The following ANO2 variants were observed in gnomAD, a reference collection of about 807,000 sequenced individuals.
ANO2 encodes anoctamin-2.
Under a neutral mutation model 124.2 loss-of-function variants are expected in ANO2, and 101 were observed. The observed-to-expected ratio is 0.81, with a 90% confidence interval of 0.69 to 0.96. ANO2 has a LOEUF of 0.96. ANO2 is among the 40% of genes least tolerant of loss of function. The pLI, the probability that ANO2 is intolerant of heterozygous loss-of-function variation, is 0.00. For missense variants in ANO2, 1,293 were observed against 1,274.5 expected, an observed-to-expected ratio of 1.01 and a Z score of -0.22; for synonymous variants, 486 against 482.5, an observed-to-expected ratio of 1.01 and a Z score of -0.09.
Position 5,688,810 on chromosome 12 carries a change from C to CTT in ANO2, c.1546-41011_1546-41010dup, listed in dbSNP as rs36091783. Among the ~76,000 whole-genome samples the CTT allele has an allele frequency of 6.7e-3, 795 of 119,334 alleles. 11 individuals are homozygous for CTT. The highest frequency in any genetic ancestry group is 9.3e-3 in the East Asian group (37 of 3,970). The allele number at this position is 119,334 out of a possible 152,430, so 78.3% of individuals were successfully genotyped here. A position where few individuals can be genotyped will look rare whatever the true frequency, so the allele number is the denominator to read the frequency against. ...CAAAACCCTGACCCATGGGAGTATC[C>CTT]TTTTTTTTTTTTTTTTTTTTGGTCG... On this transcript the variant is annotated intron_variant, in intron 14 of 24. Coordinates refer to ENST00000682330, the MANE Select transcript of ANO2 (RefSeq NM_001364791.2).
At chr12:5,676,486 C>G (rs1229675368) in intron 14 of ANO2, among the ~76,000 whole-genome samples, 1 of 152,130 alleles carries the variant, frequency 6.6e-6, no homozygotes, top group African/African-American at 2.4e-5. Flanking sequence ...TATTTACACC[C>G]ACAAGCACAC....
chr12:5,923,215 TAC>T (rs58894851), intron 1 of ANO2, among the ~76,000 whole-genome samples: 1,432 of 58,706 alleles, frequency 0.024, 161 homozygotes, highest in East Asian at 0.14. Context: ...CACACCCACA[TAC>T]ACACACACAT....
chr12:5,598,041 T>C (rs1230534150), intron 20 of ANO2, among the ~76,000 whole-genome samples: 1 of 152,228 alleles, frequency 6.6e-6, no homozygotes, highest in African/African-American at 2.4e-5. Flanking sequence ...ATCCCAGGGC[T>C]AGGACAATAT....
intron 3 of ANO2, among the ~76,000 whole-genome samples, chr12:5,890,178 C>G (rs1939295296): frequency 6.6e-6 from 1 of 152,144 alleles, no homozygotes; most frequent in Non-Finnish European, 1.5e-5. Flanking sequence ...ATGACAAGGC[C>G]TCCCATGGCC....
chr12:5,698,838 G>C (rs1223043179), intron 14 of ANO2, among the ~76,000 whole-genome samples: 2 of 152,192 alleles, frequency 1.3e-5, no homozygotes, highest in Admixed American at 1.3e-4. Flanking sequence ...CTGGAAGACA[G>C]GGTATCAGTG....
rs1555181034 is a variant in ANO2, at chr12:5,903,654, T to TGTGTGTGTGTGTGTGTGTGTGTGTGTGG, written c.534+17385_534+17386insCCACACACACACACACACACACACACAC. On this transcript the variant is annotated intron_variant, in intron 3 of 24. Transcript: ENST00000682330. ...CAGCTAGGATGTGCAAAGATGTGTGTGTGTGTGTGTGTGTGTGTGTGTGGG... is the reference window on the plus strand; with the variant it reads ...CAGCTAGGATGTGCAAAGATGTGTGTGTGTGTGTGTGTGTGTGTGTGTGTGTGGGTGTGTGTGTGTGTGTGTGTGTGGG... Among the ~76,000 whole-genome samples, 53 of 151,218 alleles carry TGTGTGTGTGTGTGTGTGTGTGTGTGTGG rather than the reference T, an allele frequency of 3.5e-4. No individual in the cohort carries two copies. The East Asian group carries it at 9.9e-3, about 28-fold the overall frequency.
chr12:5,726,745 A>C (rs1197230405), intron 14 of ANO2, among the ~76,000 whole-genome samples: 1 of 152,242 alleles, frequency 6.6e-6, no homozygotes, highest in African/African-American at 2.4e-5. Context: ...TTGAAAATCA[A>C]TAAGAGAAGG....
At chr12:5,807,667 A>T (rs71579284) in intron 7 of ANO2, among the ~76,000 whole-genome samples, 4,330 of 152,324 alleles carry the variant, frequency 0.028, 89 homozygotes, top group South Asian at 0.071. Flanking sequence ...CACCACCATC[A>T]GGTGAGAATC....
chr12:5,743,107 T>A (rs928181257), intron 12 of ANO2, among the ~76,000 whole-genome samples: 6 of 152,038 alleles, frequency 3.9e-5, no homozygotes, highest in Middle Eastern at 3.4e-3. Flanking sequence ...CCACAGGGAA[T>A]GGAGGAAGGT....
At chr12:5,593,015 C>T (rs1943482226) in intron 20 of ANO2, among the ~76,000 whole-genome samples, 1 of 152,184 alleles carries the variant, frequency 6.6e-6, no homozygotes, top group African/African-American at 2.4e-5. Context: ...TGCACACTTC[C>T]AGAGAGCAGG....
At position 5,563,585 on chromosome 12, in the gene ANO2, A is replaced by G. The variant is rs895310143; in HGVS notation, c.2728-17T>C. The G allele has an allele frequency of 2.5e-6, 4 of 1,612,670 alleles. No homozygotes were observed. The highest frequency in any genetic ancestry group is 2.5e-6 in the Non-Finnish European group (3 of 1,178,986). On this transcript the variant is annotated splice_polypyrimidine_tract_variant and intron_variant, in intron 24 of 24. Coordinates refer to ENST00000682330, the MANE Select transcript of ANO2 (RefSeq NM_001364791.2). The stretch of plus-strand genomic sequence containing the variant: ...CACGAGGTTCTGCAAAAAGCCAAGG[A>G]GAGAGGGGCTGAGTTGGAGAGGCCC...
At chr12:5,851,734 G>A (rs1954916925) in intron 4 of ANO2, among the ~76,000 whole-genome samples, 1 of 150,496 alleles carries the variant, frequency 6.6e-6, no homozygotes, top group African/African-American at 2.4e-5. Context: ...AGTGTGCAAA[G>A]AACAGAGAGA....
At chr12:5,890,680 G>C (rs1351163945) in intron 3 of ANO2, among the ~76,000 whole-genome samples, 1 of 152,194 alleles carries the variant, frequency 6.6e-6, no homozygotes, top group East Asian at 1.9e-4. Flanking sequence ...TCCCTGAGGA[G>C]GCAGCAGGGG....
At chr12:5,935,357 C>T (rs1372962318) in intron 1 of ANO2, among the ~76,000 whole-genome samples, 1 of 152,182 alleles carries the variant, frequency 6.6e-6, no homozygotes, top group Non-Finnish European at 1.5e-5. Context: ...GAGGATTGTT[C>T]ATGAAGGCAC....
At chr12:5,588,604 T>G (rs1943239814) in intron 20 of ANO2, among the ~76,000 whole-genome samples, 1 of 152,198 alleles carries the variant, frequency 6.6e-6, no homozygotes, top group Non-Finnish European at 1.5e-5. Flanking sequence ...TGAAACTTAT[T>G]ATTCCTGTCA....
chr12:5,727,158 A>G (rs1025611343), intron 14 of ANO2, among the ~76,000 whole-genome samples: 4 of 152,114 alleles, frequency 2.6e-5, no homozygotes, highest in Admixed American at 6.6e-5. Flanking sequence ...TGTTTGGATC[A>G]TGGGGGTGGA....
At chr12:5,784,310 G>A (rs944817122) in intron 10 of ANO2, among the ~76,000 whole-genome samples, 1 of 152,164 alleles carries the variant, frequency 6.6e-6, no homozygotes, top group African/African-American at 2.4e-5. Flanking sequence ...TACATATTGT[G>A]TCTCAGCATT....
chr12:5,781,693 G>C (rs946034764), intron 10 of ANO2, among the ~76,000 whole-genome samples: 1 of 148,602 alleles, frequency 6.7e-6, no homozygotes, highest in Non-Finnish European at 1.5e-5. Flanking sequence ...AATGGTTTAG[G>C]TCAGCTTGCA....
Position 5,563,205 on chromosome 12 carries a change from C to A in ANO2, c.*94G>T. 1.4e-6 allele frequency: 2 copies of A among 1,472,264 alleles called. No homozygotes were observed. Among genetic ancestry groups the A allele is most frequent in the South Asian group, 1.3e-5 (1 of 74,180 alleles). The allele number at this position is 1,472,264 out of a possible 1,614,324, so 91.2% of individuals were successfully genotyped here. On this transcript the variant is annotated 3_prime_UTR_variant, in exon 25 of 25. Transcript: ENST00000682330. Reference sequence around the variant, plus strand: ...AAGACCCCATCAAGCCAGGCCCCTGCAGACAGACAGCACGCCATGTGGGTG... The same window carrying A: ...AAGACCCCATCAAGCCAGGCCCCTGAAGACAGACAGCACGCCATGTGGGTG...
Sources: gnomAD v4.1 joint callset for allele counts (sites outside exome capture counted in the v4.1 genomes callset) on GRCh38, gnomAD v4.1.1 for gene constraint, MANE v1.5 for transcripts, NCBI Gene and HGNC (gene_info 2026-07-23, HGNC 2026-07-21) for gene names.